NELL2: variants seen among roughly 807,000 people sequenced by gnomAD.
NELL2 encodes the protein protein kinase C-binding protein NELL2.
In NELL2, 41 loss-of-function variants were observed where a neutral mutation model predicts 109.6. The ratio of observed to expected loss-of-function variants is 0.37; its 90% CI spans 0.29 to 0.49. NELL2 has a LOEUF of 0.49. Ranked by LOEUF, NELL2 falls within the 20% of genes least tolerant of loss-of-function variation. The pLI is 0.98. For synonymous variants in NELL2, 355 were observed against 344.7 expected (o/e 1.03, Z -0.33); for missense variants, 900 against 1,008.3 (o/e 0.89, Z 1.45).
chr12:44,514,287 G>A (rs976453266), intron 19 of NELL2, among the ~76,000 whole-genome samples: 11 of 151,814 alleles, frequency 7.2e-5, no homozygotes, highest in Non-Finnish European at 1.3e-4. Context: ...AAGCTGAAGG[G>A]AATGTAACCA....
intron 2 of NELL2, among the ~76,000 whole-genome samples, chr12:44,866,633 A>G (rs1945008495): frequency 1.3e-5 from 2 of 152,162 alleles, no homozygotes; most frequent in African/African-American, 4.8e-5. Context: ...TAAAGATCAG[A>G]GCAGAAATAA....
intron 15 of NELL2, among the ~76,000 whole-genome samples, chr12:44,533,730 A>G (rs1942184037): frequency 6.6e-6 from 1 of 152,142 alleles, no homozygotes; most frequent in South Asian, 2.1e-4. Context: ...TCACAGGAGG[A>G]AAAGCAATCC....
At chr12:44,794,632 C>G (rs1942555104) in intron 3 of NELL2, among the ~76,000 whole-genome samples, 1 of 152,122 alleles carries the variant, frequency 6.6e-6, no homozygotes, top group Non-Finnish European at 1.5e-5. Flanking sequence ...GTAAACTGCC[C>G]TCCCATCTGC....
intron 12 of NELL2, among the ~76,000 whole-genome samples, chr12:44,678,046 A>G (rs1366147629): frequency 1.3e-5 from 2 of 152,120 alleles, no homozygotes; most frequent in Non-Finnish European, 2.9e-5. Context: ...GTTAGACAGT[A>G]TCACACAGGT....
At chr12:44,574,671 A>C (rs557878663) in intron 15 of NELL2, among the ~76,000 whole-genome samples, 15 of 152,304 alleles carry the variant, frequency 9.8e-5, no homozygotes, top group Non-Finnish European at 1.8e-4. Flanking sequence ...GCAATATTAC[A>C]AATTTGTAAA....
chr12:44,866,581 A>C (rs943941899), intron 2 of NELL2, among the ~76,000 whole-genome samples: 1 of 152,144 alleles, frequency 6.6e-6, no homozygotes, highest in Non-Finnish European at 1.5e-5. Context: ...TACAAAAAGA[A>C]AAACAAAATA....
At chr12:44,620,270 G>A (rs147511001) in intron 13 of NELL2, among the ~76,000 whole-genome samples, 240 of 152,042 alleles carry the variant, frequency 1.6e-3, no homozygotes, top group African/African-American at 4.9e-3. Context: ...TTTAACGACC[G>A]CCACTTACAT....
At position 44,521,529 on chromosome 12, in the gene NELL2, C is replaced by CA. The variant is rs56713964; in HGVS notation, c.2175+470dup. 1.5e-3 allele frequency among the ~76,000 whole-genome samples: 166 copies of CA among 111,306 alleles called. 2 individuals are homozygous for CA. Among genetic ancestry groups the CA allele is most frequent in the African/African-American group, 2.5e-3 (61 of 24,304 alleles). The allele number at this position is 111,306 out of a possible 152,430, so 73.0% of individuals were successfully genotyped here. A position where few individuals can be genotyped will look rare whatever the true frequency, so the allele number is the denominator to read the frequency against. ...TGGGCGACAGAGCGAGACTCCGTCT[C>CA]AAAAAAAAAAAAAGAAGGTTGCGGT... On this transcript the variant is annotated intron_variant, in intron 18 of 19. Transcript: ENST00000429094.
At chr12:44,883,623 A>T (rs954729392) in intron 1 of NELL2, among the ~76,000 whole-genome samples, 1 of 152,094 alleles carries the variant, frequency 6.6e-6, no homozygotes, top group Non-Finnish European at 1.5e-5. Flanking sequence ...TTTTTAAATT[A>T]TCTAATGGAG....
At chr12:44,696,769 G>C (rs2136406684) in intron 12 of NELL2, among the ~76,000 whole-genome samples, 1 of 152,174 alleles carries the variant, frequency 6.6e-6, no homozygotes, top group South Asian at 2.1e-4. Context: ...GCATATCTAA[G>C]CATTTCAAAC....
chr12:44,691,006 T>C (rs1024121260), intron 12 of NELL2, among the ~76,000 whole-genome samples: 1 of 152,208 alleles, frequency 6.6e-6, no homozygotes, highest in African/African-American at 2.4e-5. Context: ...GACTTGATTA[T>C]GAATATTTTA....
chr12:44,915,570 T>C (rs1945822644), upstream of NELL2, among the ~76,000 whole-genome samples: 1 of 152,214 alleles, frequency 6.6e-6, no homozygotes, highest in African/African-American at 2.4e-5. Flanking sequence ...TTAATTGTGC[T>C]GGTGACTGGC....
At chr12:44,739,915 A>C (rs1219681123) in intron 9 of NELL2, among the ~76,000 whole-genome samples, 1 of 152,132 alleles carries the variant, frequency 6.6e-6, no homozygotes, top group Non-Finnish European at 1.5e-5. Context: ...CAAAAAAAAC[A>C]TGGTTTTATT....
chr12:44,517,273 A>C (rs1357918603), intron 19 of NELL2, among the ~76,000 whole-genome samples: 1 of 151,914 alleles, frequency 6.6e-6, no homozygotes, highest in Non-Finnish European at 1.5e-5. Flanking sequence ...ATCTATTCTA[A>C]TGTTAGAACA....
rs1204361252 is a variant in NELL2 at position 44,845,291 on chromosome 12, T to C, written c.185-29155A>G. On this transcript the variant is annotated intron_variant, in intron 2 of 19. Transcript: ENST00000429094. ...ATTAACTGAGTATAGCCTTTGCTAA[T>C]CAAGTATTATAATTCCTGACTTAAA... is the stretch of plus-strand genomic sequence containing the variant. Among the ~76,000 whole-genome samples, 4 of 152,186 alleles carry C rather than the reference T, an allele frequency of 2.6e-5. No individual in the cohort carries two copies. In the East Asian group the frequency reaches 7.7e-4, roughly 29 times the overall value.
intron 15 of NELL2, among the ~76,000 whole-genome samples, chr12:44,600,129 T>TTTATTTATTTA (rs1733329810): frequency 5.2e-5 from 2 of 38,590 alleles, no homozygotes; most frequent in East Asian, 8.2e-4. Flanking sequence ...GCCCGGCTAA[T>TTTATTTATTTA]TTATTTATTT....
At chr12:44,753,849 G>A (rs1010186293) in intron 9 of NELL2, among the ~76,000 whole-genome samples, 3 of 96,678 alleles carry the variant, frequency 3.1e-5, no homozygotes, top group Non-Finnish European at 7.2e-5. Flanking sequence ...TAATGTATTT[G>A]TAAGGAATGT....
At chr12:44,795,725 T>G (rs928516421) in intron 3 of NELL2, among the ~76,000 whole-genome samples, 1 of 152,098 alleles carries the variant, frequency 6.6e-6, no homozygotes, top group African/African-American at 2.4e-5. Context: ...TCTAGTATAA[T>G]GAAATATAAA....
intron 2 of NELL2, among the ~76,000 whole-genome samples, chr12:44,827,065 T>A (rs1943733997): frequency 6.6e-6 from 1 of 152,218 alleles, no homozygotes; most frequent in African/African-American, 2.4e-5. Context: ...AAGGCTTTTT[T>A]AAAAGACAAT....
Sources: allele counts gnomAD v4.1 joint callset (sites outside exome capture counted in the v4.1 genomes callset), GRCh38; gene constraint gnomAD v4.1.1; transcripts MANE v1.5; gene names NCBI Gene and HGNC (gene_info 2026-07-23, HGNC 2026-07-21).